The following DPP6 variants were observed in gnomAD, a reference collection of about 807,000 sequenced individuals.
DPP6 encodes the protein A-type potassium channel modulatory protein DPP6.
A neutral mutation model predicts 122.6 loss-of-function variants in DPP6; 69 were observed. That is an observed-to-expected ratio of 0.56 (90% CI 0.46 to 0.69). The LOEUF (loss-of-function observed/expected upper bound fraction) is 0.69, where lower values mean the gene tolerates loss of function less well. Ranked by LOEUF, DPP6 falls within the 30% of genes least tolerant of loss-of-function variation. The pLI is 0.00. For synonymous variants in DPP6, 418 were observed against 433.1 expected (o/e 0.97, Z 0.43); for missense variants, 928 against 1,116.9 (o/e 0.83, Z 2.41).
At chr7:154,312,301 G>A (rs1372708068) in intron 1 of DPP6, among the ~76,000 whole-genome samples, 1 of 152,192 alleles carries the variant, frequency 6.6e-6, no homozygotes, top group African/African-American at 2.4e-5. Flanking sequence ...ATATGCACAG[G>A]CATGGAGTCA....
intron 7 of DPP6, among the ~76,000 whole-genome samples, chr7:154,707,574 G>A (rs867582124): frequency 5.3e-5 from 8 of 152,206 alleles, no homozygotes; most frequent in Non-Finnish European, 7.3e-5. Context: ...GACATGCCCC[G>A]AGGGTGTTTG....
At chr7:154,352,895 T>C (rs1479629696) in intron 1 of DPP6, among the ~76,000 whole-genome samples, 2 of 152,266 alleles carry the variant, frequency 1.3e-5, no homozygotes, top group Non-Finnish European at 2.9e-5. Flanking sequence ...TAAGGCATGC[T>C]TTAATTTGTT....
At chr7:154,620,331 A>G (rs1834559402) in intron 5 of DPP6, among the ~76,000 whole-genome samples, 1 of 152,238 alleles carries the variant, frequency 6.6e-6, no homozygotes, top group African/African-American at 2.4e-5. Context: ...TGTCAGTTTC[A>G]TCGTAATCAT....
intron 1 of DPP6, among the ~76,000 whole-genome samples, chr7:154,158,409 C>G (rs1269733894): frequency 2.6e-5 from 4 of 151,506 alleles, no homozygotes; most frequent in East Asian, 3.9e-4. Context: ...TCTATTGGCT[C>G]TAAATTTGGC....
rs1402561987 is a variant in DPP6, at chr7:154,755,450, G to T, written c.884-13967G>T. Among the ~76,000 whole-genome samples the T allele has an allele frequency of 6.7e-6, 1 of 150,026 alleles. No homozygotes were observed. Among genetic ancestry groups the T allele is most frequent in the Non-Finnish European group, 1.5e-5 (1 of 67,744 alleles). On this transcript the variant is annotated intron_variant, in intron 8 of 25. Coordinates refer to ENST00000377770, the MANE Select transcript of DPP6 (RefSeq NM_130797.4). The surrounding 1 kb of genome is among the most constrained non-coding windows in gnomAD (Gnocchi z 4.7). ...GGGTTATCTCTCACTTACTAGCTGT[G>T]TGAGCTTCGGCACATTATTTAAACT... is the stretch of plus-strand genomic sequence containing the variant.
At chr7:154,043,217 G>A (rs558971951) in intron 1 of DPP6, among the ~76,000 whole-genome samples, 8 of 151,886 alleles carry the variant, frequency 5.3e-5, no homozygotes, top group South Asian at 4.2e-4. Flanking sequence ...GTGAAACCCC[G>A]TCTCTACCCC....
intron 4 of DPP6, among the ~76,000 whole-genome samples, chr7:154,560,385 T>G (rs1306294362): frequency 6.6e-6 from 1 of 152,224 alleles, no homozygotes; most frequent in Admixed American, 6.5e-5. Context: ...GTTAGAACTT[T>G]CTTGGACAAT....
intron 1 of DPP6, among the ~76,000 whole-genome samples, chr7:154,182,125 G>A (rs1362921118): frequency 6.6e-6 from 1 of 152,126 alleles, no homozygotes; most frequent in East Asian, 1.9e-4. Context: ...GTGTGATCCT[G>A]CTTGGGTTTA....
Position 154,313,795 on chromosome 7 carries a change from G to T in DPP6, c.244-132419G>T, listed in dbSNP as rs553499709. 2.0e-3 allele frequency among the ~76,000 whole-genome samples: 299 copies of T among 146,000 alleles called. 1 individual carries two copies. The highest frequency in any genetic ancestry group is 3.6e-3 in the Non-Finnish European group (239 of 66,514). On this transcript the variant is annotated intron_variant, in intron 1 of 25. Transcript: ENST00000377770. ...GTACTTCCTGGAATAGCCTGAGAAA[G>T]AAACATTTAGGAAGACTCAATATAA...
At chr7:154,010,954 G>T (rs968969104) in intron 1 of DPP6, among the ~76,000 whole-genome samples, 21 of 152,216 alleles carry the variant, frequency 1.4e-4, no homozygotes, top group African/African-American at 4.8e-4. Flanking sequence ...GTCAGAAGTA[G>T]AAATGGGTAC....
At chr7:153,944,653 T>C (rs996160348) in intron 1 of DPP6, among the ~76,000 whole-genome samples, 3 of 148,098 alleles carry the variant, frequency 2.0e-5, no homozygotes, top group African/African-American at 7.5e-5. Context: ...CAGTTTCTTA[T>C]TTTTGTGTGG....
At chr7:154,858,810 C>A (rs1276595539) in intron 17 of DPP6, among the ~76,000 whole-genome samples, 1 of 152,178 alleles carries the variant, frequency 6.6e-6, no homozygotes. Context: ...AGCCCCTTAG[C>A]CCCCAGGCAG....
intron 1 of DPP6, among the ~76,000 whole-genome samples, chr7:154,078,254 T>C (rs1803712207): frequency 1.3e-5 from 2 of 152,054 alleles, no homozygotes; most frequent in Non-Finnish European, 1.5e-5. Flanking sequence ...CACAATGAGA[T>C]TCTGAAAAAA....
At chr7:154,881,117 T>C in intron 21 of DPP6, 175 bp downstream of exon 21, 1 of 1,115,786 alleles carries the variant, frequency 9.0e-7, no homozygotes, top group Non-Finnish European at 1.2e-6. Flanking sequence ...TTTCATTTGA[T>C]CAGCTCATTT....
At chr7:154,279,721 C>T (rs1465528732) in intron 1 of DPP6, among the ~76,000 whole-genome samples, 1 of 152,212 alleles carries the variant, frequency 6.6e-6, no homozygotes, top group Admixed American at 6.5e-5. Flanking sequence ...CTAACTTAAT[C>T]GTACTGTGGA....
At chr7:153,959,316 T>G (rs1178196855) in intron 1 of DPP6, among the ~76,000 whole-genome samples, 5 of 151,922 alleles carry the variant, frequency 3.3e-5, no homozygotes, top group Non-Finnish European at 7.4e-5. Flanking sequence ...GGTGCTCACC[T>G]GTGGGTTGAA....
intron 7 of DPP6, among the ~76,000 whole-genome samples, chr7:154,680,812 A>T (rs1163488672): frequency 6.6e-6 from 1 of 152,092 alleles, no homozygotes; most frequent in African/African-American, 2.4e-5. Context: ...TTTGCAGAGA[A>T]TCCAAACATG....
At chr7:154,762,940 G>A in intron 8 of DPP6, among the ~76,000 whole-genome samples, 1 of 152,242 alleles carries the variant, frequency 6.6e-6, no homozygotes, top group Non-Finnish European at 1.5e-5. Context: ...CCAAAGTGTG[G>A]AAGTGGCAGG....
rs1171022574 is a variant in DPP6, at chr7:154,091,037, T to C, written c.243+37974T>C. 4.6e-5 allele frequency among the ~76,000 whole-genome samples: 7 copies of C among 150,578 alleles called. No individual in the cohort carries two copies. In the East Asian group the frequency reaches 5.9e-4, roughly 13 times the overall value. On this transcript the variant is annotated intron_variant, in intron 1 of 25. Coordinates refer to ENST00000377770, the MANE Select transcript of DPP6 (RefSeq NM_130797.4). ...TCGGGAGGCTGAGGCAGGAGAATGGTGTGAACCCAGGAGGTGGAGCTTGCA... is the reference window on the plus strand; with the variant it reads ...TCGGGAGGCTGAGGCAGGAGAATGGCGTGAACCCAGGAGGTGGAGCTTGCA...
Sources: allele counts gnomAD v4.1 joint callset (sites outside exome capture counted in the v4.1 genomes callset), GRCh38; gene constraint gnomAD v4.1.1; non-coding constraint Gnocchi (gnomAD v3.1); transcripts MANE v1.5; gene names NCBI Gene and HGNC (gene_info 2026-07-23, HGNC 2026-07-21).